CADPS2: variants seen among roughly 807,000 people sequenced by gnomAD.
CADPS2 encodes calcium dependent secretion activator 2, also known as calcium-dependent secretion activator 2.
A neutral mutation model predicts 172.5 loss-of-function variants in CADPS2; 93 were observed. The ratio of observed to expected loss-of-function variants is 0.54; its 90% CI spans 0.46 to 0.64. The LOEUF is 0.64. Among genes scored for constraint, CADPS2 ranks in the 30% least tolerant of loss-of-function variants. CADPS2 has a pLI of 0.00. For synonymous variants in CADPS2, 546 were observed against 555.2 expected (o/e 0.98, Z 0.23); for missense variants, 1,420 against 1,565.9 (o/e 0.91, Z 1.57).
Position 122,361,021 on chromosome 7 carries a change from A to G in CADPS2, c.3388-8T>C, listed in dbSNP as rs765223296. On this transcript the variant is annotated splice_region_variant and splice_polypyrimidine_tract_variant and intron_variant, in intron 25 of 29. Coordinates refer to ENST00000449022, the MANE Select transcript of CADPS2 (RefSeq NM_017954.11). ...TTCCAACACTGAAACAAACTATAAT[A>G]CAGTTATAGTGAGTATTTAGAATGT... The G allele has an allele frequency of 6.3e-7, 1 of 1,597,478 alleles. No homozygotes were observed. Among genetic ancestry groups the G allele is most frequent in the East Asian group, 2.2e-5 (1 of 44,730 alleles).
chr7:122,628,325 A>T (rs2076271058), intron 4 of CADPS2, among the ~76,000 whole-genome samples: 1 of 152,134 alleles, frequency 6.6e-6, no homozygotes, highest in South Asian at 2.1e-4. Context: ...AACTTCTTGA[A>T]TGCTGGAAGA....
intron 2 of CADPS2, among the ~76,000 whole-genome samples, chr7:122,704,918 T>C (rs2086744927): frequency 6.6e-6 from 1 of 152,018 alleles, no homozygotes; most frequent in Non-Finnish European, 1.5e-5. Context: ...ATGCACATAG[T>C]AGCTCCACAT....
intron 4 of CADPS2, among the ~76,000 whole-genome samples, 158 bp from the exon 5 acceptor site, chr7:122,621,875 T>C (rs1000567012): frequency 6.6e-6 from 1 of 152,220 alleles, no homozygotes; most frequent in African/African-American, 2.4e-5. Context: ...CCTCAGGCTT[T>C]GGCATTTTTG....
At chr7:122,366,705 A>C (rs2040952417) in intron 25 of CADPS2, 1 of 147,204 alleles carries the variant, frequency 6.8e-6, no homozygotes, top group South Asian at 2.1e-4. Context: ...ATATACGTAT[A>C]CATATATATA....
intron 7 of CADPS2, among the ~76,000 whole-genome samples, chr7:122,577,396 A>G (rs2068191904): frequency 6.6e-6 from 1 of 151,926 alleles, no homozygotes; most frequent in South Asian, 2.1e-4. Flanking sequence ...CTACCCCTAT[A>G]ATTTTCTAGA....
intron 1 of CADPS2, among the ~76,000 whole-genome samples, chr7:122,879,005 G>A (rs984318895): frequency 2.6e-5 from 4 of 152,212 alleles, no homozygotes; most frequent in African/African-American, 7.2e-5. Flanking sequence ...GGAGGCTGAG[G>A]CGGGCAGATC....
At chr7:122,345,119 T>C (rs1585144269) in intron 28 of CADPS2, among the ~76,000 whole-genome samples, 1 of 152,020 alleles carries the variant, frequency 6.6e-6, no homozygotes, top group African/African-American at 2.4e-5. Context: ...TTCAACTTTT[T>C]ATTTTTTTAT....
rs1333064557 is a variant in CADPS2 at position 122,776,764 on chromosome 7, A to G, written c.340-39696T>C. ...ATGAAGTCCAGGCTGAGGTGGTCTCAGATGGAGATGAGGAATAGTTGGAAT... is the reference window on the plus strand; with the variant it reads ...ATGAAGTCCAGGCTGAGGTGGTCTCGGATGGAGATGAGGAATAGTTGGAAT... On this transcript the variant is annotated intron_variant, in intron 1 of 29. Coordinates refer to ENST00000449022, the MANE Select transcript of CADPS2 (RefSeq NM_017954.11). Among the ~76,000 whole-genome samples, 4 of 152,182 alleles carry G rather than the reference A, an allele frequency of 2.6e-5. No individual in the cohort carries two copies. In the East Asian group the frequency reaches 7.7e-4, roughly 29 times the overall value.
chr7:122,611,941 A>G (rs1453626314), intron 6 of CADPS2, among the ~76,000 whole-genome samples: 1 of 152,102 alleles, frequency 6.6e-6, no homozygotes. Flanking sequence ...TCATATCAAC[A>G]GAATAAAAGA....
At chr7:122,602,651 C>A (rs575066191) in intron 6 of CADPS2, among the ~76,000 whole-genome samples, 30 of 152,038 alleles carry the variant, frequency 2.0e-4, no homozygotes, top group Admixed American at 9.9e-4. Flanking sequence ...TTTTGGCTCC[C>A]ACTCTGCTTG....
At chr7:122,701,954 T>G in intron 2 of CADPS2, 4 of 1,613,648 alleles carry the variant, frequency 2.5e-6, no homozygotes, top group Non-Finnish European at 3.4e-6. Flanking sequence ...ATCTTGGGGT[T>G]TGTATGTGTC....
At chr7:122,477,668 A>G (rs1416652986) in intron 12 of CADPS2, among the ~76,000 whole-genome samples, 2 of 152,214 alleles carry the variant, frequency 1.3e-5, no homozygotes, top group Non-Finnish European at 2.9e-5. Context: ...TAGTAATAAA[A>G]TTGTGTGTAT....
intron 3 of CADPS2, among the ~76,000 whole-genome samples, chr7:122,631,130 C>T (rs2076538259): frequency 6.6e-6 from 1 of 152,112 alleles, no homozygotes; most frequent in South Asian, 2.1e-4. Flanking sequence ...AACACTGAAA[C>T]TGTAACAATA....
Position 122,581,165 on chromosome 7 carries a change from T to G in CADPS2, c.1335+14A>C, listed in dbSNP as rs756008707. 3 of 1,601,672 alleles carry G rather than the reference T, an allele frequency of 1.9e-6. 1 individual carries two copies. In the South Asian group the frequency reaches 3.3e-5, roughly 18 times the overall value. Reference sequence around the variant, plus strand: ...ACTGTTCTACCCTGGACACACAGGCTGACCACAACTCACCCTTCCCAGTTC... The same window carrying G: ...ACTGTTCTACCCTGGACACACAGGCGGACCACAACTCACCCTTCCCAGTTC... On this transcript the variant is annotated intron_variant, in intron 7 of 29. Transcript: ENST00000449022.
intron 2 of CADPS2, chr7:122,703,022 G>A (rs2086416931): frequency 1.3e-5 from 5 of 386,860 alleles, no homozygotes; most frequent in African/African-American, 2.1e-5. Context: ...GACATCAGAG[G>A]TAGTTAAACC....
At chr7:122,386,292 T>C in intron 24 of CADPS2, 4 of 1,439,956 alleles carry the variant, frequency 2.8e-6, no homozygotes, top group African/African-American at 1.4e-5. Context: ...AAATGAGACT[T>C]ACCCATTGAC....
chr7:122,828,772 C>T (rs1805667552), intron 1 of CADPS2, among the ~76,000 whole-genome samples: 1 of 152,144 alleles, frequency 6.6e-6, no homozygotes, highest in Non-Finnish European at 1.5e-5. Context: ...TCCCCTTTTA[C>T]TTTCCTGGAT....
chr7:122,363,085 T>C (rs968147083), intron 25 of CADPS2, among the ~76,000 whole-genome samples: 1 of 152,232 alleles, frequency 6.6e-6, no homozygotes, highest in Non-Finnish European at 1.5e-5. Flanking sequence ...AATTTAGCAC[T>C]TTCTTCCTGC....
intron 1 of CADPS2, among the ~76,000 whole-genome samples, chr7:122,796,458 C>T (rs750407821): frequency 4.6e-5 from 7 of 152,194 alleles, no homozygotes; most frequent in Non-Finnish European, 8.8e-5. Flanking sequence ...TACCCAACTT[C>T]AAACTATACT....
Sources: allele counts gnomAD v4.1 joint callset (sites outside exome capture counted in the v4.1 genomes callset), GRCh38; gene constraint gnomAD v4.1.1; transcripts MANE v1.5; gene names NCBI Gene and HGNC (gene_info 2026-07-23, HGNC 2026-07-21).